Variants in PDE4D observed in about 807,000 individuals in gnomAD.
PDE4D encodes phosphodiesterase 4D.
PDE4D carries 24 observed loss-of-function variants against 87.4 expected under a neutral mutation model. That is an observed-to-expected ratio of 0.27 (90% CI 0.20 to 0.39). The LOEUF (loss-of-function observed/expected upper bound fraction) is 0.39, where lower values mean the gene tolerates loss of function less well. Ranked by LOEUF, PDE4D falls within the 10% of genes least tolerant of loss-of-function variation. PDE4D has a pLI of 1.00. For missense variants in PDE4D, 714 were observed against 1,041.0 expected, an observed-to-expected ratio of 0.69 and a Z score of 4.32; for synonymous variants, 384 against 383.2, an observed-to-expected ratio of 1.00 and a Z score of -0.02.
intron 1 of PDE4D, among the ~76,000 whole-genome samples, chr5:60,205,015 T>C (rs543529060): frequency 2.6e-5 from 4 of 152,230 alleles, no homozygotes; most frequent in Non-Finnish European, 4.4e-5. Flanking sequence ...GGGATTATTA[T>C]TATTTTTGTA....
intron 6 of PDE4D, among the ~76,000 whole-genome samples, chr5:59,001,782 A>G (rs1750588911): frequency 6.6e-6 from 1 of 152,188 alleles, no homozygotes; most frequent in Non-Finnish European, 1.5e-5. Flanking sequence ...ACTGTGAGAC[A>G]TTTTTCTATT....
At chr5:60,364,354 A>G (rs1760343760) in intron 1 of PDE4D, among the ~76,000 whole-genome samples, 1 of 152,186 alleles carries the variant, frequency 6.6e-6, no homozygotes, top group African/African-American at 2.4e-5. Context: ...AAAATTGAAG[A>G]TAGGGGAAAT....
intron 1 of PDE4D, among the ~76,000 whole-genome samples, chr5:59,478,272 A>AT (rs1405936662): frequency 6.6e-6 from 1 of 152,036 alleles, no homozygotes; most frequent in African/African-American, 2.4e-5. Flanking sequence ...ATTTACATCT[A>AT]TTTTTTCAGG....
At chr5:59,519,061 C>T (rs1811709900) in intron 1 of PDE4D, among the ~76,000 whole-genome samples, 1 of 152,150 alleles carries the variant, frequency 6.6e-6, no homozygotes, top group Non-Finnish European at 1.5e-5. Context: ...CTTCCTTCTT[C>T]CCTACCATCT....
chr5:60,451,445 C>T (rs375508866), intron 1 of PDE4D, among the ~76,000 whole-genome samples: 2 of 152,032 alleles, frequency 1.3e-5, no homozygotes, highest in African/African-American at 4.8e-5. Flanking sequence ...CACAAGTTTA[C>T]TCCAAGTGAG....
At chr5:59,664,875 C>A (rs1745811729) in intron 1 of PDE4D, among the ~76,000 whole-genome samples, 1 of 152,158 alleles carries the variant, frequency 6.6e-6, no homozygotes, top group Non-Finnish European at 1.5e-5. Flanking sequence ...TTATCATTAT[C>A]TTTAGATACT....
At chr5:59,619,948 G>T (rs1024045597) in intron 1 of PDE4D, among the ~76,000 whole-genome samples, 1 of 152,162 alleles carries the variant, frequency 6.6e-6, no homozygotes, top group Non-Finnish European at 1.5e-5. Flanking sequence ...CTTTTTGAAG[G>T]AAGTGTTTTA....
intron 1 of PDE4D, among the ~76,000 whole-genome samples, chr5:59,769,541 C>A (rs1260923143): frequency 1.3e-5 from 2 of 152,128 alleles, no homozygotes; most frequent in Non-Finnish European, 2.9e-5. Flanking sequence ...ATGAATAGAG[C>A]TTCAACAAAC....
intron 1 of PDE4D, among the ~76,000 whole-genome samples, chr5:60,392,634 C>A (rs764497218): frequency 2.0e-5 from 3 of 152,168 alleles, no homozygotes; most frequent in Non-Finnish European, 4.4e-5. Context: ...ATTAGAGATG[C>A]ACATTAGGAA....
At chr5:59,331,996 T>C (rs35265) in intron 1 of PDE4D, among the ~76,000 whole-genome samples, 119,694 of 152,116 alleles carry the variant, frequency 0.79, 47,592 homozygotes, top group African/African-American at 0.9. Flanking sequence ...CTATTTCATT[T>C]ACCTTTCTCT....
At chr5:59,521,279 G>T (rs1812193880) in intron 1 of PDE4D, among the ~76,000 whole-genome samples, 2 of 152,200 alleles carry the variant, frequency 1.3e-5, no homozygotes, top group South Asian at 4.2e-4. Context: ...TTACATCAGT[G>T]CATTCCTGAT....
chr5:59,528,665 G>C (rs1368567297), intron 1 of PDE4D, among the ~76,000 whole-genome samples: 11 of 152,102 alleles, frequency 7.2e-5, no homozygotes, highest in Non-Finnish European at 1.5e-5. Flanking sequence ...GCTAATCTTT[G>C]GGCCATTAAA....
chr5:59,464,211 G>A (rs891753651), intron 1 of PDE4D, among the ~76,000 whole-genome samples: 1 of 152,182 alleles, frequency 6.6e-6, no homozygotes, highest in East Asian at 1.9e-4. Flanking sequence ...CCCGTAAAGG[G>A]TCTGTGCTGA....
At chr5:59,264,993 T>G (rs1004481091) in intron 1 of PDE4D, among the ~76,000 whole-genome samples, 1 of 151,946 alleles carries the variant, frequency 6.6e-6, no homozygotes, top group African/African-American at 2.4e-5. Flanking sequence ...TCTGGTCTGA[T>G]AGAGATGATG....
intron 11 of PDE4D, among the ~76,000 whole-genome samples, chr5:58,984,188 A>C (rs189908787): frequency 2.6e-5 from 4 of 152,358 alleles, no homozygotes; most frequent in African/African-American, 9.6e-5. Context: ...GAAATGACAG[A>C]GGGAAGTGGT....
intron 1 of PDE4D, among the ~76,000 whole-genome samples, chr5:59,883,678 T>C (rs1749772502): frequency 6.6e-6 from 1 of 152,234 alleles, no homozygotes; most frequent in African/African-American, 2.4e-5. Context: ...AATAGCAATA[T>C]ATTTTACCAA....
chr5:59,633,494 T>C (rs1364486370), intron 1 of PDE4D, among the ~76,000 whole-genome samples: 1 of 152,144 alleles, frequency 6.6e-6, no homozygotes, highest in African/African-American at 2.4e-5. Context: ...GAGAGAAAGG[T>C]TGGGTTACCC....
intron 3 of PDE4D, among the ~76,000 whole-genome samples, chr5:59,192,613 A>G (rs1360135054): frequency 6.6e-6 from 1 of 152,176 alleles, no homozygotes; most frequent in Non-Finnish European, 1.5e-5. Context: ...TATAGGCCTG[A>G]TTATAATTTT....
chr5:59,384,035 C>T (rs1482984256), intron 1 of PDE4D, among the ~76,000 whole-genome samples: 1 of 151,618 alleles, frequency 6.6e-6, no homozygotes, highest in East Asian at 1.9e-4. Flanking sequence ...ACTACAGGCC[C>T]ATGCCACCAC....
Sources: gnomAD v4.1 joint callset for allele counts (sites outside exome capture counted in the v4.1 genomes callset) on GRCh38, gnomAD v4.1.1 for gene constraint, MANE v1.5 for transcripts, NCBI Gene and HGNC (gene_info 2026-07-23, HGNC 2026-07-21) for gene names.